Variants in P2RY12 observed in about 807,000 individuals in gnomAD.
P2RY12 encodes purinergic receptor P2Y12, also known as P2Y purinoceptor 12.
Under a neutral mutation model 4.5 loss-of-function variants are expected in P2RY12, and 3 were observed. The ratio of observed to expected loss-of-function variants is 0.67; its 90% CI spans 0.31 to 1.74. The LOEUF (loss-of-function observed/expected upper bound fraction) is 1.74, where lower values mean the gene tolerates loss of function less well. P2RY12 is among the 40% of genes most tolerant of loss of function. The probability of loss-of-function intolerance (pLI) is 0.09; values close to 1 mark genes in which losing one functional copy is unlikely to be tolerated. For missense variants in P2RY12, 356 were observed against 407.8 expected, an observed-to-expected ratio of 0.87 and a Z score of 1.09; for synonymous variants, 148 against 154.1, an observed-to-expected ratio of 0.96 and a Z score of 0.29.
intron 1 of P2RY12, among the ~76,000 whole-genome samples, chr3:151,351,458 A>T (rs1247911282): frequency 6.6e-6 from 1 of 152,164 alleles, no homozygotes; most frequent in Non-Finnish European, 1.5e-5. Context: ...GGAAGCAACC[A>T]AGAGTTGTGG....
rs190995794 is a variant in P2RY12 at position 151,366,400 on chromosome 3, G to T, written c.-180+18292C>A. On this transcript the variant is annotated intron_variant, in intron 1 of 2. Coordinates refer to ENST00000302632, the MANE Select transcript of P2RY12 (RefSeq NM_022788.5). Reference sequence around the variant, plus strand: ...ACTTTGATATTTTTAAGTGCAAGGCGCAGTATACAAATAAAGGCTTTGTTG... The same window carrying T: ...ACTTTGATATTTTTAAGTGCAAGGCTCAGTATACAAATAAAGGCTTTGTTG... Among the ~76,000 whole-genome samples, 10 of 152,278 alleles carry T rather than the reference G, an allele frequency of 6.6e-5. No homozygotes were observed. The East Asian group carries it at 1.4e-3, about 21-fold the overall frequency.
At chr3:151,362,069 T>C (rs1754676747) in intron 1 of P2RY12, among the ~76,000 whole-genome samples, 2 of 151,642 alleles carry the variant, frequency 1.3e-5, no homozygotes, top group African/African-American at 2.4e-5. Context: ...TCGTATCCAG[T>C]TTGTAAATTC....
At chr3:151,365,904 T>C in intron 1 of P2RY12, 1 of 1,613,780 alleles carries the variant, frequency 6.2e-7, no homozygotes, top group Non-Finnish European at 8.5e-7. Context: ...GCACTGTTCT[T>C]AGTTCAGAAT....
chr3:151,371,897 G>C (rs1271628202), intron 1 of P2RY12, among the ~76,000 whole-genome samples: 1 of 152,142 alleles, frequency 6.6e-6, no homozygotes, highest in African/African-American at 2.4e-5. Context: ...ACTTTGTTAT[G>C]AAGAAAACAC....
chr3:151,369,287 T>C (rs1237008852), intron 1 of P2RY12: 5 of 501,666 alleles, frequency 1.0e-5, no homozygotes, highest in Non-Finnish European at 1.8e-5. Flanking sequence ...TGGCCATGTT[T>C]CTTAGTGAAT....
At chr3:151,355,128 C>T (rs199750872) in intron 1 of P2RY12, 15 of 1,612,304 alleles carry the variant, frequency 9.3e-6, no homozygotes, top group Non-Finnish European at 1.1e-5. Flanking sequence ...TAGTTGGGGA[C>T]GAAGGACAAA....
chr3:151,341,753 G>A (rs1751858783), intron 1 of P2RY12, among the ~76,000 whole-genome samples: 1 of 133,482 alleles, frequency 7.5e-6, no homozygotes, highest in South Asian at 2.5e-4. Flanking sequence ...ACAGTCCCCA[G>A]AGTGTAGTGT....
chr3:151,378,777 T>A (rs999382213), intron 1 of P2RY12, among the ~76,000 whole-genome samples: 3 of 152,150 alleles, frequency 2.0e-5, no homozygotes, highest in Non-Finnish European at 4.4e-5. Flanking sequence ...GGAAAAAAAT[T>A]GATAATTTCT....
intron 1 of P2RY12, among the ~76,000 whole-genome samples, chr3:151,373,864 A>G (rs1756493105): frequency 6.6e-6 from 1 of 152,184 alleles, no homozygotes; most frequent in Admixed American, 6.6e-5. Context: ...TCTATTTAGC[A>G]GAGAACGTTA....
chr3:151,355,403 T>A (rs1269944335), intron 1 of P2RY12, among the ~76,000 whole-genome samples: 1 of 152,248 alleles, frequency 6.6e-6, no homozygotes, highest in Non-Finnish European at 1.5e-5. Context: ...AGTGTCAGGT[T>A]GCCTTCCTCG....
chr3:151,368,482 A>C (rs1436473244), intron 1 of P2RY12, among the ~76,000 whole-genome samples: 1 of 152,142 alleles, frequency 6.6e-6, no homozygotes, highest in Non-Finnish European at 1.5e-5. Context: ...AGCAATAAAA[A>C]TACCTCTGCT....
At chr3:151,375,188 C>G (rs1309365354) in intron 1 of P2RY12, among the ~76,000 whole-genome samples, 1 of 152,124 alleles carries the variant, frequency 6.6e-6, no homozygotes, top group African/African-American at 2.4e-5. Context: ...CTGAGTTTGA[C>G]TTAATTAGTC....
chr3:151,370,042 A>G (rs1195389888), intron 1 of P2RY12, among the ~76,000 whole-genome samples: 7 of 152,174 alleles, frequency 4.6e-5, no homozygotes, highest in Admixed American at 3.3e-4. Flanking sequence ...GACCCAGGCA[A>G]TAGTTGCAAT....
chr3:151,354,064 C>A (rs1196802220), intron 1 of P2RY12, among the ~76,000 whole-genome samples: 3 of 140,924 alleles, frequency 2.1e-5, no homozygotes, highest in Non-Finnish European at 4.6e-5. Context: ...TGGCGTGAAC[C>A]CGGGAGGCGG....
At chr3:151,340,564 T>A (rs1751684619) in intron 2 of P2RY12, 32 bp downstream of exon 2, 1 of 152,618 alleles carries the variant, frequency 6.6e-6, no homozygotes, top group Non-Finnish European at 1.5e-5. Context: ...TAAATACATA[T>A]ATTTGTCAAG....
At chr3:151,368,667 T>G (rs28404450) in intron 1 of P2RY12, among the ~76,000 whole-genome samples, 777 of 57,774 alleles carry the variant, frequency 0.013, 10 homozygotes, top group East Asian at 0.018. Context: ...TTCATTTCAT[T>G]TCATTTCATG....
intron 1 of P2RY12, among the ~76,000 whole-genome samples, chr3:151,364,456 T>C (rs1447978697): frequency 6.6e-6 from 1 of 152,204 alleles, no homozygotes; most frequent in East Asian, 1.9e-4. Flanking sequence ...TGTAAGTTCA[T>C]TGAAGACAAG....
chr3:151,358,188 G>A (rs571286495), intron 1 of P2RY12, among the ~76,000 whole-genome samples: 121 of 152,160 alleles, frequency 8.0e-4, no homozygotes, highest in Admixed American at 4.6e-3. Context: ...GCTATTCTGG[G>A]AAAGAGGAAA....
chr3:151,377,201 T>C, intron 1 of P2RY12: 1 of 1,584,344 alleles, frequency 6.3e-7, no homozygotes, highest in Non-Finnish European at 8.6e-7. Flanking sequence ...GTTGTTTTAT[T>C]GAACTGTCAT....
Sources: gnomAD v4.1 joint callset for allele counts (sites outside exome capture counted in the v4.1 genomes callset) on GRCh38, gnomAD v4.1.1 for gene constraint, MANE v1.5 for transcripts, NCBI Gene and HGNC (gene_info 2026-07-23, HGNC 2026-07-21) for gene names.